Variants in PRDM16 observed in about 807,000 individuals in gnomAD.
PRDM16 encodes the protein histone-lysine N-methyltransferase PRDM16.
In PRDM16, 23 loss-of-function variants were observed where a neutral mutation model predicts 110.6. That is an observed-to-expected ratio of 0.21 (90% CI 0.15 to 0.29). PRDM16 has a LOEUF of 0.29. PRDM16 is among the 10% of genes least tolerant of loss of function. The pLI is 1.00. For synonymous variants in PRDM16, 799 were observed against 781.8 expected, an observed-to-expected ratio of 1.02 and a Z score of -0.37; for missense variants, 1,615 against 1,794.3, an observed-to-expected ratio of 0.90 and a Z score of 1.81.
chr1:3,272,939 G>A (rs1640491546), intron 3 of PRDM16, among the ~76,000 whole-genome samples: 1 of 152,244 alleles, frequency 6.6e-6, no homozygotes, highest in South Asian at 2.1e-4. Context: ...TGAGTCTCGA[G>A]TCTTGTGTCT....
At chr1:3,188,410 G>T (rs563191088) in intron 2 of PRDM16, among the ~76,000 whole-genome samples, 1 of 152,252 alleles carries the variant, frequency 6.6e-6, no homozygotes, top group Non-Finnish European at 1.5e-5. Flanking sequence ...CCATGTCCGC[G>T]TGGTGCCAGG....
Position 3,143,153 on chromosome 1 carries a change from C to T in PRDM16, c.38-42972C>T, listed in dbSNP as rs908959373. Among the ~76,000 whole-genome samples, 2 of 152,192 alleles carry T rather than the reference C, an allele frequency of 1.3e-5. No individual in the cohort carries two copies. Among genetic ancestry groups the T allele is most frequent in the Admixed American group, 6.5e-5 (1 of 15,282 alleles). On this transcript the variant is annotated intron_variant, in intron 1 of 16. Coordinates refer to ENST00000270722, the MANE Select transcript of PRDM16 (RefSeq NM_022114.4). The surrounding 1 kb of genome is among the most constrained non-coding windows in gnomAD (Gnocchi z 4.5). ...GTAAGAAGGGAGACCTTGTGGCAACCGCAGTGCTGGGCCGGGGGGAGTCGC... is the reference window on the plus strand; with the variant it reads ...GTAAGAAGGGAGACCTTGTGGCAACTGCAGTGCTGGGCCGGGGGGAGTCGC...
Position 3,434,601 on chromosome 1 carries a change from C to A in PRDM16, c.*790C>A. The A allele has an allele frequency of 4.3e-6, 1 of 232,182 alleles. No individual in the cohort carries two copies. The highest frequency in any genetic ancestry group is 8.5e-6 in the Non-Finnish European group (1 of 117,354). 14.4% of individuals were successfully genotyped at this position (232,182 alleles called of 1,614,324 possible). ...CAGGGCGCCCTGGGCTGCAGGCCTG[C>A]CCGAGGCTGGGATGGGAAGTGTGCC... On this transcript the variant is annotated 3_prime_UTR_variant, in exon 17 of 17. Transcript: ENST00000270722.
rs540688544 is a variant in PRDM16, at chr1:3,099,583, A to G, written c.37+30287A>G. On this transcript the variant is annotated intron_variant, in intron 1 of 16. Coordinates refer to ENST00000270722, the MANE Select transcript of PRDM16 (RefSeq NM_022114.4). ...TGAATGTTTTGGGGTGCTCAGAAAT[A>G]TTCCAGGCACATCACAGAGAGAGGT... 5.3e-5 allele frequency among the ~76,000 whole-genome samples: 8 copies of G among 152,240 alleles called. 1 individual carries two copies. Among genetic ancestry groups the G allele is most frequent in the African/African-American group, 1.9e-4 (8 of 41,552 alleles).
At chr1:3,326,518 A>C (rs1209135346) in intron 3 of PRDM16, among the ~76,000 whole-genome samples, 1 of 152,042 alleles carries the variant, frequency 6.6e-6, no homozygotes, top group Non-Finnish European at 1.5e-5. Flanking sequence ...CTGACCCTGG[A>C]ATCCGACCTG....
rs1449503990 is a variant in PRDM16, at chr1:3,081,842, C to G, written c.37+12546C>G. 6.6e-6 allele frequency among the ~76,000 whole-genome samples: 1 copy of G among 152,100 alleles called. No individual in the cohort carries two copies. The highest frequency in any genetic ancestry group is 6.5e-5 in the Admixed American group (1 of 15,286). On this transcript the variant is annotated intron_variant, in intron 1 of 16. Transcript: ENST00000270722. This position sits in a 1 kb window ranked among gnomAD's most constrained non-coding sequence, Gnocchi z 4.6. ...ACCTCCTTGCTGCCCTGACTAAACA[C>G]CAGCTTTGCAAAAGCAAGACCCTGC...
chr1:3,131,870 T>C (rs559494451), intron 1 of PRDM16, among the ~76,000 whole-genome samples: 61 of 152,296 alleles, frequency 4.0e-4, no homozygotes, highest in African/African-American at 1.4e-3. Context: ...ACTGCCTTCC[T>C]CCTCCTCCCT....
intron 3 of PRDM16, among the ~76,000 whole-genome samples, chr1:3,287,961 C>G (rs559422711): frequency 6.6e-6 from 1 of 152,258 alleles, no homozygotes; most frequent in African/African-American, 2.4e-5. Flanking sequence ...CCGCATTTCA[C>G]AGGGAGAGTG....
rs1569797283 is a variant in PRDM16 at position 3,433,887 on chromosome 1, A to T, written c.*76A>T. Reference sequence around the variant, plus strand: ...AGGACGGAGGCGGGCGGGGCCCCGGAGAACCCTGTCCCTGCGTGTGGCCAC... The same window carrying T: ...AGGACGGAGGCGGGCGGGGCCCCGGTGAACCCTGTCCCTGCGTGTGGCCAC... On this transcript the variant is annotated 3_prime_UTR_variant, in exon 17 of 17. Transcript: ENST00000270722. 1 of 1,518,378 alleles carries T rather than the reference A, an allele frequency of 6.6e-7. No individual in the cohort carries two copies. The highest frequency in any genetic ancestry group is 1.8e-5 in the Admixed American group (1 of 55,248). The allele number at this position is 1,518,378 out of a possible 1,614,324, so 94.1% of individuals were successfully genotyped here.
At chr1:3,345,719 G>C (rs1288705018) in intron 3 of PRDM16, among the ~76,000 whole-genome samples, 1 of 151,284 alleles carries the variant, frequency 6.6e-6, no homozygotes, top group Non-Finnish European at 1.5e-5. Context: ...TGCCCTCTCG[G>C]GTCCTCCCGT....
At chr1:3,070,083 C>G (rs1360116323) in intron 1 of PRDM16, among the ~76,000 whole-genome samples, 1 of 151,972 alleles carries the variant, frequency 6.6e-6, no homozygotes, top group Non-Finnish European at 1.5e-5. Flanking sequence ...GAGGGACCCA[C>G]CCGGCCACCT....
At chr1:3,248,280 G>GA (rs1190550633) in intron 3 of PRDM16, among the ~76,000 whole-genome samples, 3 of 152,212 alleles carry the variant, frequency 2.0e-5, no homozygotes, top group Non-Finnish European at 4.4e-5. Flanking sequence ...TATGAAAGGG[G>GA]AAACATGGCC....
At chr1:3,181,243 C>CGG (rs1298438837) in intron 1 of PRDM16, among the ~76,000 whole-genome samples, 1 of 50,050 alleles carries the variant, frequency 2.0e-5, no homozygotes, top group Non-Finnish European at 6.5e-5. Flanking sequence ...GTCTTACACA[C>CGG]AGTCTTACAC....
chr1:3,203,489 A>T (rs1638679257), intron 2 of PRDM16, among the ~76,000 whole-genome samples: 1 of 152,066 alleles, frequency 6.6e-6, no homozygotes, highest in East Asian at 1.9e-4. Flanking sequence ...CCTGCCTATG[A>T]GATGGCAGGT....
chr1:3,393,848 C>G (rs1163946853), intron 4 of PRDM16, among the ~76,000 whole-genome samples: 1 of 152,190 alleles, frequency 6.6e-6, no homozygotes, highest in Admixed American at 6.5e-5. Flanking sequence ...TCGGGGACCC[C>G]CGCCCCCGCC....
Position 3,181,360 on chromosome 1 carries a change from G to GGTCTTACACACA in PRDM16, c.38-4754_38-4753insAGTCTTACACAC, listed in dbSNP as rs1644175824. Among the ~76,000 whole-genome samples the GGTCTTACACACA allele has an allele frequency of 2.7e-4, 2 of 7,370 alleles. 1 individual carries two copies. The highest frequency in any genetic ancestry group is 7.1e-4 in the Non-Finnish European group (2 of 2,832). The allele number at this position is 7,370 out of a possible 152,430, so 4.8% of individuals were successfully genotyped here. On this transcript the variant is annotated intron_variant, in intron 1 of 16. Coordinates refer to ENST00000270722, the MANE Select transcript of PRDM16 (RefSeq NM_022114.4). ...CAGTCTTACACACGGTCTTACACAC[G>GGTCTTACACACA]GTCTTACACACGCAGTCTTACACAC...
chr1:3,295,717 C>G (rs1174991519), intron 3 of PRDM16, among the ~76,000 whole-genome samples: 11 of 152,172 alleles, frequency 7.2e-5, no homozygotes, highest in Non-Finnish European at 1.5e-4. Context: ...GCTCCGTTGA[C>G]AGGGTTTCTG....
At chr1:3,218,976 T>C (rs1639092746) in intron 2 of PRDM16, among the ~76,000 whole-genome samples, 1 of 152,238 alleles carries the variant, frequency 6.6e-6, no homozygotes, top group Admixed American at 6.5e-5. Flanking sequence ...GTTCACAGCC[T>C]GGGGCCCAGC....
intron 1 of PRDM16, among the ~76,000 whole-genome samples, chr1:3,150,389 C>CGAA (rs1643753078): frequency 1.9e-5 from 2 of 104,498 alleles, no homozygotes; most frequent in Non-Finnish European, 4.2e-5. Flanking sequence ...AACCCCATCT[C>CGAA]AAAAAAAAAA....
Sources: gnomAD v4.1 joint callset for allele counts (sites outside exome capture counted in the v4.1 genomes callset) on GRCh38, gnomAD v4.1.1 for gene constraint, Gnocchi (gnomAD v3.1) non-coding constraint, MANE v1.5 for transcripts, NCBI Gene and HGNC (gene_info 2026-07-23, HGNC 2026-07-21) for gene names.